TLK1: variants seen among roughly 807,000 people sequenced by gnomAD.
The protein encoded by TLK1 is serine/threonine-protein kinase tousled-like 1.
In TLK1, 24 loss-of-function variants were observed where a neutral mutation model predicts 105.3. The ratio of observed to expected loss-of-function variants is 0.23; its 90% CI spans 0.17 to 0.32. The LOEUF is 0.32. Ranked by LOEUF, TLK1 falls within the 10% of genes least tolerant of loss-of-function variation. The pLI is 1.00. For missense variants in TLK1, 558 were observed against 910.5 expected, an observed-to-expected ratio of 0.61 and a Z score of 4.98; for synonymous variants, 321 against 310.4, an observed-to-expected ratio of 1.03 and a Z score of -0.36.
At chr2:171,027,290 A>G (rs1423447739) in intron 12 of TLK1, among the ~76,000 whole-genome samples, 1 of 152,162 alleles carries the variant, frequency 6.6e-6, no homozygotes, top group Non-Finnish European at 1.5e-5. Context: ...AGAACCTGAC[A>G]AGCAGAAAGC....
At chr2:171,098,768 C>G (rs1689567636) in intron 2 of TLK1, among the ~76,000 whole-genome samples, 1 of 152,136 alleles carries the variant, frequency 6.6e-6, no homozygotes, top group Non-Finnish European at 1.5e-5. Flanking sequence ...AAGGATTATA[C>G]ACTTTGAGCA....
chr2:171,217,496 C>G (rs373636219), intron 1 of TLK1, among the ~76,000 whole-genome samples: 108 of 152,264 alleles, frequency 7.1e-4, no homozygotes, highest in African/African-American at 2.1e-3. Flanking sequence ...TCCTTGCCCC[C>G]CTCTGGTGGA....
chr2:171,070,914 C>A (rs1688222906), intron 3 of TLK1, among the ~76,000 whole-genome samples: 1 of 152,196 alleles, frequency 6.6e-6, no homozygotes, highest in Non-Finnish European at 1.5e-5. Context: ...TCCCTTTTCT[C>A]CACATCCTTG....
chr2:171,013,774 T>G (rs555704263), intron 13 of TLK1, among the ~76,000 whole-genome samples: 1 of 152,208 alleles, frequency 6.6e-6, no homozygotes, highest in African/African-American at 2.4e-5. Context: ...CACTTCCTAT[T>G]CTGATACTTA....
chr2:171,018,083 C>G (rs1575519085), intron 12 of TLK1, among the ~76,000 whole-genome samples: 2 of 152,302 alleles, frequency 1.3e-5, no homozygotes, highest in Admixed American at 1.3e-4. Context: ...AATATGGCTG[C>G]ATTTGAAGAT....
intron 1 of TLK1, among the ~76,000 whole-genome samples, chr2:171,189,401 G>A (rs112795444): frequency 0.11 from 16,552 of 152,046 alleles, 1,374 homozygotes; most frequent in African/African-American, 0.23. Context: ...TCCTGACCTC[G>A]TGATCTGCCC....
chr2:171,137,778 G>A (rs1691389744), intron 1 of TLK1, among the ~76,000 whole-genome samples: 1 of 151,826 alleles, frequency 6.6e-6, no homozygotes, highest in African/African-American at 2.4e-5. Flanking sequence ...GAACCCAGGA[G>A]GTGAAGGTTG....
intron 12 of TLK1, among the ~76,000 whole-genome samples, chr2:171,022,092 C>CACACACACAGACAA: frequency 6.8e-6 from 1 of 147,996 alleles, no homozygotes; most frequent in East Asian, 2.0e-4. Flanking sequence ...GAAAAACACA[C>CACACACACAGACAA]ACACACACAC....
rs774923512 is a variant in TLK1, at chr2:171,013,318, C to CTTT, written c.1334+1530_1334+1532dup. ...ATGAGCTACCACACCTGGCCCCTCACTTTTTTTTTTTTTTTTTTTTTTTTT... is the reference window on the plus strand; with the variant it reads ...ATGAGCTACCACACCTGGCCCCTCACTTTTTTTTTTTTTTTTTTTTTTTTTTTT... On this transcript the variant is annotated intron_variant, in intron 13 of 20. Transcript: ENST00000431350. 6.5e-3 allele frequency among the ~76,000 whole-genome samples: 482 copies of CTTT among 74,154 alleles called. 58 individuals carry two copies. The highest frequency in any genetic ancestry group is 0.019 in the African/African-American group (341 of 18,254). The allele number at this position is 74,154 out of a possible 152,430, so 48.6% of individuals were successfully genotyped here. A position where few individuals can be genotyped will look rare whatever the true frequency, so the allele number is the denominator to read the frequency against.
At chr2:171,158,673 A>G (rs996443334) in intron 1 of TLK1, among the ~76,000 whole-genome samples, 14 of 152,242 alleles carry the variant, frequency 9.2e-5, no homozygotes, top group African/African-American at 3.1e-4. Context: ...AACTCATAAC[A>G]CTAACATTAA....
chr2:171,226,218 C>A (rs997547461), intron 1 of TLK1, among the ~76,000 whole-genome samples: 15 of 152,144 alleles, frequency 9.9e-5, no homozygotes, highest in African/African-American at 3.4e-4. Context: ...ATAATCTAAC[C>A]TATTCTGACT....
At chr2:171,034,731 GTTACATAAAT>G (rs1686236470) in intron 11 of TLK1, among the ~76,000 whole-genome samples, 1 of 152,062 alleles carries the variant, frequency 6.6e-6, no homozygotes, top group Admixed American at 6.5e-5. Context: ...TTATTCGTAT[GTTACATAAAT>G]TTAACCTCAA....
chr2:171,038,247 T>C (rs914799616), intron 11 of TLK1, among the ~76,000 whole-genome samples: 2 of 152,102 alleles, frequency 1.3e-5, no homozygotes, highest in African/African-American at 2.4e-5. Context: ...TTGTATCAGG[T>C]TTTTTCCCCT....
chr2:171,108,713 C>A (rs531097912), intron 2 of TLK1, among the ~76,000 whole-genome samples: 1 of 152,148 alleles, frequency 6.6e-6, no homozygotes, highest in East Asian at 1.9e-4. Flanking sequence ...AAGTAATCCT[C>A]CCAACTCAGC....
chr2:170,998,089 T>TCTAC (rs67664818), intron 18 of TLK1, among the ~76,000 whole-genome samples: 34 of 101,748 alleles, frequency 3.3e-4, no homozygotes, highest in African/African-American at 1.6e-3. Flanking sequence ...TATCTATCTA[T>TCTAC]CTACCTACCT....
At chr2:171,015,090 TC>T (rs1267342550) in intron 12 of TLK1, 142 bp from the exon 13 acceptor site, 1 of 641,454 alleles carries the variant, frequency 1.6e-6, no homozygotes, top group East Asian at 2.7e-5. Context: ...ACCAAAGTGC[TC>T]TTTTCAATGC....
chr2:171,053,860 GAA>G lies in TLK1; in HGVS notation c.640-9_640-8del, dbSNP rs1266722814. On this transcript the variant is annotated splice_polypyrimidine_tract_variant and splice_region_variant and intron_variant, in intron 7 of 20. Transcript: ENST00000431350. ...TCAGCATTGTGAGATCAGTCTAAAT[GAA>G]AAAAAGTTATTTTATTATCTCCATT... The G allele has an allele frequency of 1.3e-6, 2 of 1,571,610 alleles. No homozygotes were observed.
intron 1 of TLK1, among the ~76,000 whole-genome samples, chr2:171,118,058 T>C (rs1690508472): frequency 6.6e-6 from 1 of 152,204 alleles, no homozygotes; most frequent in African/African-American, 2.4e-5. Flanking sequence ...CCAACACTTT[T>C]GGCTGCAACT....
At chr2:171,008,985 G>T (rs1419764060) in intron 14 of TLK1, among the ~76,000 whole-genome samples, 1 of 152,176 alleles carries the variant, frequency 6.6e-6, no homozygotes, top group African/African-American at 2.4e-5. Flanking sequence ...GATCCCAGCT[G>T]AACTATCATG....
Sources: allele counts gnomAD v4.1 joint callset (sites outside exome capture counted in the v4.1 genomes callset), GRCh38; gene constraint gnomAD v4.1.1; transcripts MANE v1.5; gene names NCBI Gene and HGNC (gene_info 2026-07-23, HGNC 2026-07-21).